Variants in MYPN observed in about 807,000 individuals in gnomAD.
The protein encoded by MYPN is sarcomeric protein myopalladin, 145 kDa (MYOP).
In MYPN, 63 loss-of-function variants were observed where a neutral mutation model predicts 129.4. The observed-to-expected ratio is 0.49, with a 90% CI of 0.40 to 0.60. MYPN has a LOEUF of 0.60. Among genes scored for constraint, MYPN ranks in the 20% least tolerant of loss-of-function variants. The pLI is 0.00. For missense variants in MYPN, 1,596 were observed against 1,635.4 expected (o/e 0.98, Z 0.42); for synonymous variants, 629 against 600.9 (o/e 1.05, Z -0.68).
At chr10:68,095,963 T>A (rs370536885) in intron 1 of MYPN, among the ~76,000 whole-genome samples, 2 of 152,354 alleles carry the variant, frequency 1.3e-5, no homozygotes, top group East Asian at 3.9e-4. Context: ...AAAAAAATTG[T>A]TATCTGGAGA....
intron 19 of MYPN, among the ~76,000 whole-genome samples, chr10:68,209,153 G>A (rs982164840): frequency 3.3e-5 from 5 of 152,092 alleles, no homozygotes; most frequent in African/African-American, 4.8e-5. Context: ...CCCCACCTAG[G>A]GAACGCCCTT....
intron 12 of MYPN, among the ~76,000 whole-genome samples, chr10:68,180,192 G>GATAAT (rs2043293432): frequency 6.6e-6 from 1 of 151,436 alleles, no homozygotes; most frequent in African/African-American, 2.4e-5. Context: ...TTATCTTCTA[G>GATAAT]TTATGTTAAC....
intron 18 of MYPN, among the ~76,000 whole-genome samples, chr10:68,203,979 A>G (rs1051427397): frequency 6.6e-6 from 1 of 151,956 alleles, no homozygotes; most frequent in African/African-American, 2.4e-5. Context: ...CTTCTTCTCT[A>G]CCTCCACGCT....
At chr10:68,112,305 T>C (rs144717723) in intron 1 of MYPN, among the ~76,000 whole-genome samples, 32 of 152,352 alleles carry the variant, frequency 2.1e-4, no homozygotes, top group African/African-American at 6.7e-4. Context: ...GAGCTCTGGC[T>C]GCAGTGTCTT....
At chr10:68,161,233 T>C in intron 7 of MYPN, among the ~76,000 whole-genome samples, 1 of 152,066 alleles carries the variant, frequency 6.6e-6, no homozygotes, top group East Asian at 1.9e-4. Flanking sequence ...CAGTGGCTCC[T>C]GCCTGTAATC....
At position 68,174,400 on chromosome 10, in the gene MYPN, G is replaced by A; in HGVS notation, c.2308G>A (p.Val770Met). 1.9e-6 allele frequency: 3 copies of A among 1,614,082 alleles called. No homozygotes were observed. The highest frequency in any genetic ancestry group is 2.5e-6 in the Non-Finnish European group (3 of 1,180,018). The change falls in exon 11 of 20, where the codon GTG (valine) becomes ATG (methionine). Residue 770 changes from valine to methionine, a missense_variant. Transcript: ENST00000358913. Reference protein sequence around the residue: ...KESLLVSHPSVQTKSPGGLSI... With the variant: ...KESLLVSHPSMQTKSPGGLSI... ...AAGCCTCTTAGTGTCTCACCCCTCT[G>A]TGCAAACCAAATCTCCAGGAGGGCT...
At chr10:68,120,387 T>C (rs1466016442) in intron 1 of MYPN, among the ~76,000 whole-genome samples, 2 of 152,182 alleles carry the variant, frequency 1.3e-5, no homozygotes, top group African/African-American at 4.8e-5. Context: ...AATTCAAAAG[T>C]TAGGAAGAAC....
intron 13 of MYPN, among the ~76,000 whole-genome samples, chr10:68,189,933 G>A (rs2043484726): frequency 6.6e-6 from 1 of 152,094 alleles, no homozygotes; most frequent in African/African-American, 2.4e-5. Flanking sequence ...GGTTTTTGGA[G>A]AAAAGAATCT....
At chr10:68,207,317 T>C (rs894645143) in intron 19 of MYPN, among the ~76,000 whole-genome samples, 1 of 152,178 alleles carries the variant, frequency 6.6e-6, no homozygotes, top group Non-Finnish European at 1.5e-5. Context: ...TCGGGTAGAC[T>C]ATACTATATT....
rs74833215 is a variant in MYPN at position 68,129,465 on chromosome 10, G to A, written c.902+7125G>A. 9.7e-3 allele frequency among the ~76,000 whole-genome samples: 1,474 copies of A among 152,042 alleles called. 37 individuals are homozygous for A. Among genetic ancestry groups the A allele is most frequent in the East Asian group, 0.096 (495 of 5,172 alleles). ...TTTCATTGCTATGCAGTATTTTACTGTATGGCTAGAATAATATATCATTGA... is the reference window on the plus strand; with the variant it reads ...TTTCATTGCTATGCAGTATTTTACTATATGGCTAGAATAATATATCATTGA... On this transcript the variant is annotated intron_variant, in intron 2 of 19. Transcript: ENST00000358913.
chr10:68,184,113 G>A (rs959635548), intron 12 of MYPN, among the ~76,000 whole-genome samples: 1 of 152,100 alleles, frequency 6.6e-6, no homozygotes, highest in Non-Finnish European at 1.5e-5. Flanking sequence ...TAGACCTCAG[G>A]GACTGGTATT....
chr10:68,103,175 T>C (rs911165904), upstream of MYPN, among the ~76,000 whole-genome samples: 18 of 152,220 alleles, frequency 1.2e-4, no homozygotes, highest in Admixed American at 6.5e-5. Flanking sequence ...TATAGATTCA[T>C]ATGCAAATAA....
Position 68,210,656 on chromosome 10 carries a change from A to G in MYPN, c.*201A>G. 1 of 687,348 alleles carries G rather than the reference A, an allele frequency of 1.5e-6. No individual in the cohort carries two copies. The highest frequency in any genetic ancestry group is 2.6e-6 in the Non-Finnish European group (1 of 378,200). The allele number at this position is 687,348 out of a possible 1,614,324, so 42.6% of individuals were successfully genotyped here. On this transcript the variant is annotated 3_prime_UTR_variant, in exon 20 of 20. Transcript: ENST00000358913. ...AAAGGTAGGGCTGTGCCTTCTAAAGATTCCAACAGAGATGTGAGAAGATAA... is the reference window on the plus strand; with the variant it reads ...AAAGGTAGGGCTGTGCCTTCTAAAGGTTCCAACAGAGATGTGAGAAGATAA...
chr10:68,153,423 A>C (rs2042811983), intron 6 of MYPN, among the ~76,000 whole-genome samples: 1 of 152,238 alleles, frequency 6.6e-6, no homozygotes, highest in African/African-American at 2.4e-5. Context: ...TTGATAAATA[A>C]AAATAGGAAA....
chr10:68,174,906 A>G (rs912397999), intron 11 of MYPN, among the ~76,000 whole-genome samples: 2 of 152,120 alleles, frequency 1.3e-5, no homozygotes, highest in African/African-American at 2.4e-5. Flanking sequence ...AGGCCGAGGA[A>G]GGCAGATCAC....
intron 1 of MYPN, among the ~76,000 whole-genome samples, chr10:68,119,169 A>AT (rs2042203073): frequency 6.6e-6 from 1 of 151,984 alleles, no homozygotes; most frequent in Non-Finnish European, 1.5e-5. Flanking sequence ...AATGAGAAAG[A>AT]TTTTCAATTG....
In MYPN at chr10:68,188,966, G is replaced by C; in HGVS notation, c.2765G>C (p.Arg922Pro). The C allele has an allele frequency of 6.2e-7, 1 of 1,614,122 alleles. No individual in the cohort carries two copies. Among genetic ancestry groups the C allele is most frequent in the Non-Finnish European group, 8.5e-7 (1 of 1,180,020 alleles). Residue 922 changes from arginine to proline, a missense_variant, in exon 13 of 20, where the codon CGT (arginine) becomes CCT (proline). Coordinates refer to ENST00000358913, the MANE Select transcript of MYPN (RefSeq NM_032578.4). ...LMNEIEFRLERTPVDESDDEI... is the reference protein window; with the variant it reads ...LMNEIEFRLEPTPVDESDDEI... Reference sequence around the variant, plus strand: ...AATGAAATAGAGTTTCGCTTGGAACGTACTCCTGTTGATGAATCAGATGAT... The same window carrying C: ...AATGAAATAGAGTTTCGCTTGGAACCTACTCCTGTTGATGAATCAGATGAT...
At chr10:68,101,267 A>G (rs2041980596), upstream of MYPN, among the ~76,000 whole-genome samples, 1 of 152,244 alleles carries the variant, frequency 6.6e-6, no homozygotes, top group African/African-American at 2.4e-5. Flanking sequence ...ACATAAGTGG[A>G]AGTGACAGTG....
chr10:68,100,797 C>T (rs1201809447), intron 1 of MYPN, among the ~76,000 whole-genome samples: 2 of 152,066 alleles, frequency 1.3e-5, no homozygotes, highest in Non-Finnish European at 2.9e-5. Context: ...TCCATTGAGC[C>T]AAATGCACAT....
Sources: gnomAD v4.1 joint callset for allele counts (sites outside exome capture counted in the v4.1 genomes callset) on GRCh38, gnomAD v4.1.1 for gene constraint, MANE v1.5 for transcripts, NCBI Gene and HGNC (gene_info 2026-07-23, HGNC 2026-07-21) for gene names.